STK32B: variants seen among roughly 807,000 people sequenced by gnomAD.
STK32B encodes serine/threonine kinase 32B, also known as serine/threonine-protein kinase 32B.
In STK32B, 43 loss-of-function variants were observed where a neutral mutation model predicts 52.6. The ratio of observed to expected loss-of-function variants is 0.82; its 90% confidence interval spans 0.64 to 1.05. STK32B has a LOEUF of 1.05. Ranked by LOEUF, STK32B falls within the 50% of genes least tolerant of loss-of-function variation. The pLI is 0.00. For missense variants in STK32B, 621 were observed against 534.6 expected, an observed-to-expected ratio of 1.16 and a Z score of -1.59; for synonymous variants, 238 against 204.3, an observed-to-expected ratio of 1.17 and a Z score of -1.41.
At chr4:5,160,577 C>G (rs554122724) in intron 2 of STK32B, among the ~76,000 whole-genome samples, 1 of 152,156 alleles carries the variant, frequency 6.6e-6, no homozygotes, top group Non-Finnish European at 1.5e-5. Context: ...GGTTTAGGAT[C>G]CCCCTTCTGG....
intron 3 of STK32B, among the ~76,000 whole-genome samples, chr4:5,317,340 T>TATATA (rs1731118511): frequency 8.2e-5 from 5 of 61,170 alleles, no homozygotes; most frequent in African/African-American, 6.1e-4. Context: ...ACATATATAA[T>TATATA]ACATATATAT....
chr4:5,338,426 G>T (rs74577998), intron 4 of STK32B, among the ~76,000 whole-genome samples: 1 of 152,192 alleles, frequency 6.6e-6, no homozygotes, highest in Non-Finnish European at 1.5e-5. Context: ...GGTAGAGTAT[G>T]CTTCTGTTCC....
At chr4:5,334,648 C>T (rs1378863052) in intron 4 of STK32B, among the ~76,000 whole-genome samples, 19 of 151,518 alleles carry the variant, frequency 1.3e-4, no homozygotes, top group African/African-American at 4.2e-4. Context: ...TGAGATATGT[C>T]CCATCAATAC....
chr4:5,163,188 C>T (rs901224899), intron 2 of STK32B, among the ~76,000 whole-genome samples: 3 of 152,072 alleles, frequency 2.0e-5, no homozygotes, highest in East Asian at 1.9e-4. Context: ...AGGCAGAGTA[C>T]GTGAAATATG....
chr4:5,368,317 G>T (rs6843535), intron 4 of STK32B, among the ~76,000 whole-genome samples: 3,242 of 125,976 alleles, frequency 0.026, 45 homozygotes, highest in East Asian at 0.059. Context: ...AATAATAAGG[G>T]CTTTGCTTTC....
chr4:5,262,600 G>C (rs953850529), intron 3 of STK32B, among the ~76,000 whole-genome samples: 2 of 151,004 alleles, frequency 1.3e-5, no homozygotes, highest in Non-Finnish European at 2.9e-5. Flanking sequence ...ACTCCAGCCT[G>C]GGCGACAGAG....
Position 5,460,190 on chromosome 4 carries a change from G to T in STK32B, c.871G>T (p.Val291Leu). 1.2e-6 allele frequency: 2 copies of T among 1,614,010 alleles called. No homozygotes were observed. The highest frequency in any genetic ancestry group is 1.7e-6 in the Non-Finnish European group (2 of 1,179,974). ...CTTGGCCGACATGAACTGGGACGCGGTGTTCAAGAAGGCACTGATGCCCGG... is the reference window on the plus strand; with the variant it reads ...CTTGGCCGACATGAACTGGGACGCGTTGTTCAAGAAGGCACTGATGCCCGG... ...PYLADMNWDA[V>L]FKKALMPGFV... Residue 291 changes from valine (V) to leucine (L), a missense_variant, in exon 9 of 12, where the codon GTG becomes TTG. Coordinates refer to ENST00000282908, the MANE Select transcript of STK32B (RefSeq NM_018401.3). The surrounding 1 kb of genome is among the most constrained non-coding windows in gnomAD (Gnocchi z 4.8).
At chr4:5,455,717 T>C (rs1716444915) in intron 7 of STK32B, among the ~76,000 whole-genome samples, 1 of 152,142 alleles carries the variant, frequency 6.6e-6, no homozygotes, top group Non-Finnish European at 1.5e-5. Context: ...ACTGTCGCCA[T>C]GCTCTGGGAC....
At chr4:5,228,580 T>G (rs1724030894) in intron 3 of STK32B, among the ~76,000 whole-genome samples, 2 of 152,198 alleles carry the variant, frequency 1.3e-5, no homozygotes, top group Admixed American at 6.5e-5. Context: ...GGACTTGCCT[T>G]GGAGATAGTG....
intron 3 of STK32B, among the ~76,000 whole-genome samples, chr4:5,287,597 G>C (rs943078687): frequency 6.6e-6 from 1 of 151,920 alleles, no homozygotes. Context: ...AACTAGTGTC[G>C]TTCCTGCCCC....
intron 6 of STK32B, among the ~76,000 whole-genome samples, chr4:5,417,199 G>A (rs552493525): frequency 1.3e-5 from 2 of 152,318 alleles, no homozygotes; most frequent in East Asian, 3.9e-4. Context: ...TGAGAGGGTG[G>A]CAAACAAAAC....
chr4:5,135,926 A>G (rs1167028455), intron 1 of STK32B, among the ~76,000 whole-genome samples: 2 of 152,222 alleles, frequency 1.3e-5, no homozygotes, highest in Non-Finnish European at 2.9e-5. Flanking sequence ...AATTGTCCGG[A>G]TTAATTAGAT....
chr4:5,263,489 T>C (rs1443099428), intron 3 of STK32B, among the ~76,000 whole-genome samples: 1 of 152,154 alleles, frequency 6.6e-6, no homozygotes, highest in Non-Finnish European at 1.5e-5. Flanking sequence ...ATGCAGAGGA[T>C]GTTCTACTTA....
intron 1 of STK32B, among the ~76,000 whole-genome samples, chr4:5,121,152 C>A (rs1014595509): frequency 4.6e-5 from 7 of 152,102 alleles, no homozygotes; most frequent in African/African-American, 1.7e-4. Flanking sequence ...AGCTTAGCTC[C>A]CATTTATAGG....
intron 3 of STK32B, among the ~76,000 whole-genome samples, chr4:5,275,881 G>A (rs1727786039): frequency 6.6e-6 from 1 of 152,086 alleles, no homozygotes; most frequent in Non-Finnish European, 1.5e-5. Flanking sequence ...ATTTTAAACA[G>A]AACCTATTTT....
At chr4:5,490,539 A>C (rs1223228164) in intron 11 of STK32B, among the ~76,000 whole-genome samples, 1 of 152,154 alleles carries the variant, frequency 6.6e-6, no homozygotes, top group Non-Finnish European at 1.5e-5. Context: ...AAGTTATTTT[A>C]TTATAGCAGA....
At chr4:5,251,578 C>A (rs193013929) in intron 3 of STK32B, among the ~76,000 whole-genome samples, 1 of 152,116 alleles carries the variant, frequency 6.6e-6, no homozygotes, top group African/African-American at 2.4e-5. Context: ...TCTTTTGGTT[C>A]CATATGAATT....
chr4:5,125,811 C>A (rs185478132), intron 1 of STK32B, among the ~76,000 whole-genome samples: 1 of 152,242 alleles, frequency 6.6e-6, no homozygotes, highest in African/African-American at 2.4e-5. Context: ...CCAGTGACTT[C>A]ACTGCATTTG....
chr4:5,196,085 G>A (rs1721627886), intron 3 of STK32B, among the ~76,000 whole-genome samples: 1 of 152,164 alleles, frequency 6.6e-6, no homozygotes, highest in South Asian at 2.1e-4. Flanking sequence ...GTCAAAGACA[G>A]GCTAGCTTTA....
Sources: gnomAD v4.1 joint callset for allele counts (sites outside exome capture counted in the v4.1 genomes callset) on GRCh38, gnomAD v4.1.1 for gene constraint, Gnocchi (gnomAD v3.1) non-coding constraint, MANE v1.5 for transcripts, NCBI Gene and HGNC (gene_info 2026-07-23, HGNC 2026-07-21) for gene names.